Variants in CIROZ observed in about 807,000 individuals in gnomAD.
CIROZ encodes the protein ciliated left-right organizer ZP-N domains-containing protein.
the CIROZ span, among the ~76,000 whole-genome samples, chr1:10,974,390 G>A: frequency 9.5e-4 from 144 of 152,146 alleles, 1 homozygote; most frequent in Middle Eastern, 0.031. This position sits in a 1 kb window ranked among gnomAD's most constrained non-coding sequence, Gnocchi z 4.4. Context: ...AGGGTGGGAC[G>A]ACCAGTGGGC....
At chr1:10,976,337 CTT>C in the CIROZ span, 3,663 of 695,550 alleles carry the variant, frequency 5.3e-3, no homozygotes, top group South Asian at 6.6e-3. Flanking sequence ...CATTATATTT[CTT>C]TTTTTTTTTT....
the CIROZ span, among the ~76,000 whole-genome samples, chr1:10,957,950 A>G: frequency 1.3e-5 from 2 of 152,190 alleles, no homozygotes; most frequent in South Asian, 4.1e-4. Context: ...ACTTTAGGGT[A>G]GGAGGTCCCT....
At chr1:10,978,030 G>A in the CIROZ span, among the ~76,000 whole-genome samples, 1 of 151,818 alleles carries the variant, frequency 6.6e-6, no homozygotes, top group Admixed American at 6.6e-5. Flanking sequence ...TTAGCCAGGC[G>A]TGATGGCACA....
At chr1:10,946,829 CCTGAGG>C in the CIROZ span, 1 of 152,226 alleles carries the variant, frequency 6.6e-6, no homozygotes, top group African/African-American at 2.4e-5. Flanking sequence ...CCTTTAGAGA[CCTGAGG>C]TCATGGCACC....
At chr1:10,948,107 G>C in the CIROZ span, 1 of 1,613,492 alleles carries the variant, frequency 6.2e-7, no homozygotes, top group Non-Finnish European at 8.5e-7. Context: ...AGGCACTGGG[G>C]TCTGGCTGCC....
the CIROZ span, among the ~76,000 whole-genome samples, chr1:10,974,290 C>G: frequency 0.2 from 31,047 of 151,916 alleles, 3,357 homozygotes; most frequent in Non-Finnish European, 0.23. The surrounding 1 kb of genome is among the most constrained non-coding windows in gnomAD (Gnocchi z 4.4). Flanking sequence ...GCCCAGGGCA[C>G]AGCCAAAGTC....
the CIROZ span, among the ~76,000 whole-genome samples, chr1:10,979,818 C>T: frequency 1.3e-5 from 2 of 152,270 alleles, no homozygotes; most frequent in East Asian, 3.9e-4. Flanking sequence ...GAAGCGGAGG[C>T]GGGCGGATCA....
At chr1:10,969,798 C>G in the CIROZ span, among the ~76,000 whole-genome samples, 5 of 151,996 alleles carry the variant, frequency 3.3e-5, no homozygotes, top group Admixed American at 1.3e-4. Flanking sequence ...CTGGGGTGGG[C>G]GTGGACGACT....
chr1:10,963,598 C>A, the CIROZ span, among the ~76,000 whole-genome samples: 1 of 151,926 alleles, frequency 6.6e-6, no homozygotes, highest in African/African-American at 2.4e-5. Flanking sequence ...TAGAGAGAAA[C>A]TTGAATTCAA....
At chr1:10,961,283 C>A in the CIROZ span, among the ~76,000 whole-genome samples, 1 of 152,122 alleles carries the variant, frequency 6.6e-6, no homozygotes, top group Admixed American at 6.5e-5. Context: ...CTTGGGGATC[C>A]CGGGGCGGGG....
the CIROZ span, chr1:10,958,640 C>T: frequency 6.5e-7 from 1 of 1,549,732 alleles, no homozygotes; most frequent in African/African-American, 1.4e-5. Flanking sequence ...TGCCTCAGAG[C>T]ATCCTGAGCA....
chr1:10,947,896 ACTC>A, the CIROZ span: 2 of 1,611,942 alleles, frequency 1.2e-6, no homozygotes, highest in East Asian at 2.2e-5. Flanking sequence ...GCAACCCCCC[ACTC>A]CTCCTGGCCC....
At chr1:10,968,391 G>A in the CIROZ span, among the ~76,000 whole-genome samples, 1 of 152,324 alleles carries the variant, frequency 6.6e-6, no homozygotes, top group East Asian at 1.9e-4. Flanking sequence ...CGCTATTCCA[G>A]AAAACAGCTC....
the CIROZ span, chr1:10,970,025 T>C: frequency 1.3e-6 from 2 of 1,536,834 alleles, no homozygotes; most frequent in East Asian, 4.9e-5. Context: ...CGTGGCTCCT[T>C]GGGATCCACA....
chr1:10,954,858 G>T, the CIROZ span: 1 of 993,990 alleles, frequency 1.0e-6, no homozygotes, highest in Non-Finnish European at 1.4e-6. Context: ...TTCCCAAAGT[G>T]CTGGGATTAC....
At chr1:10,977,737 A>G in the CIROZ span, among the ~76,000 whole-genome samples, 3 of 152,188 alleles carry the variant, frequency 2.0e-5, no homozygotes, top group Non-Finnish European at 4.4e-5. Flanking sequence ...TAGGTTCTCT[A>G]TGACTTAGAG....
chr1:10,958,858 C>T, the CIROZ span: 10 of 1,143,074 alleles, frequency 8.7e-6, no homozygotes, highest in African/African-American at 3.1e-5. Flanking sequence ...AGCAGGAGGC[C>T]GGTGAGAGAG....
the CIROZ span, among the ~76,000 whole-genome samples, chr1:10,965,554 T>C: frequency 6.6e-6 from 1 of 152,030 alleles, no homozygotes; most frequent in South Asian, 2.1e-4. Flanking sequence ...TGAAACCCCA[T>C]CTTCTACAAA....
At chr1:10,960,663 C>G in the CIROZ span, among the ~76,000 whole-genome samples, 1 of 152,246 alleles carries the variant, frequency 6.6e-6, no homozygotes. This position sits in a 1 kb window ranked among gnomAD's most constrained non-coding sequence, Gnocchi z 4.6. Context: ...TAAGCGAGCT[C>G]GCAGATCGCT....
Sources: allele counts gnomAD v4.1 joint callset (sites outside exome capture counted in the v4.1 genomes callset), GRCh38; gene constraint gnomAD v4.1.1; non-coding constraint Gnocchi (gnomAD v3.1); transcripts MANE v1.5; gene names NCBI Gene and HGNC (gene_info 2026-07-23, HGNC 2026-07-21).